Variants in IFFO2 observed in about 807,000 individuals in gnomAD.
The protein encoded by IFFO2 is intermediate filament family orphan 2.
A neutral mutation model predicts 53.5 loss-of-function variants in IFFO2; 19 were observed. The ratio of observed to expected loss-of-function variants is 0.36; its 90% CI spans 0.25 to 0.52. The LOEUF (loss-of-function observed/expected upper bound fraction) is 0.52. Among genes scored for constraint, IFFO2 ranks in the 20% least tolerant of loss-of-function variants. The probability of loss-of-function intolerance (pLI) is 0.94; values close to 1 mark genes in which losing one functional copy is unlikely to be tolerated. For synonymous variants in IFFO2, 303 were observed against 313.6 expected (o/e 0.97, Z 0.36); for missense variants, 570 against 727.4 (o/e 0.78, Z 2.49).
At chr1:18,920,490 GA>G (rs1270562190) in intron 2 of IFFO2, among the ~76,000 whole-genome samples, 3 of 152,234 alleles carry the variant, frequency 2.0e-5, no homozygotes, top group Non-Finnish European at 4.4e-5. Context: ...TGTCAGAGAG[GA>G]AAATAGAGGC....
intron 1 of IFFO2, among the ~76,000 whole-genome samples, chr1:18,923,423 T>C (rs1244244953): frequency 6.6e-6 from 1 of 152,080 alleles, no homozygotes; most frequent in Non-Finnish European, 1.5e-5. Context: ...CCACCCAAGG[T>C]GACAGCAGGA....
At chr1:18,914,899 A>G (rs1378138451) in intron 5 of IFFO2, among the ~76,000 whole-genome samples, 1 of 151,954 alleles carries the variant, frequency 6.6e-6, no homozygotes, top group Non-Finnish European at 1.5e-5. Context: ...CAAAAGAGGA[A>G]TCAAGAATCT....
chr1:18,914,853 A>C (rs1263640535), intron 5 of IFFO2, among the ~76,000 whole-genome samples: 1 of 150,244 alleles, frequency 6.7e-6, no homozygotes, highest in African/African-American at 2.4e-5. Flanking sequence ...CCCTCTTGGC[A>C]GGCAGCAAAA....
Position 18,940,472 on chromosome 1 carries a change from TTCATGCAGCA to T in IFFO2, c.665+15186_665+15195del, listed in dbSNP as rs557586367. ...CTCCCCAGATTCTGCAAGCTCCCAG[TTCATGCAGCA>T]TCATCCCCAAAGCCCAAGCATAGGG... On this transcript the variant is annotated intron_variant, in intron 1 of 8. Coordinates refer to ENST00000455833, the MANE Select transcript of IFFO2 (RefSeq NM_001136265.2). Among the ~76,000 whole-genome samples the T allele has an allele frequency of 1.4e-3, 219 of 152,270 alleles. 1 individual carries two copies. Among genetic ancestry groups the T allele is most frequent in the South Asian group, 0.012 (57 of 4,828 alleles).
In IFFO2 at chr1:18,956,034, G is replaced by T; in HGVS notation, c.299C>A (p.Thr100Asn). The change falls in exon 1 of 9, where the codon ACC (threonine) becomes AAC (asparagine). Residue 100 changes from threonine (T) to asparagine (N), a missense_variant. Physicochemically the swap from Thr to Asn is moderately conservative, Grantham distance 65. Transcript: ENST00000455833. This position sits in a 1 kb window ranked among gnomAD's most constrained non-coding sequence, Gnocchi z 6.4. The stretch of plus-strand genomic sequence containing the variant: ...CTGCACGGCCTGCTCGCGGGAGAAG[G>T]TCTTGTAGCGCAGCCGCCGCTCGCG... ...SERERRLRYK[T>N]FSREQAVQTG... 8.9e-6 allele frequency: 13 copies of T among 1,461,354 alleles called. No homozygotes were observed. Among genetic ancestry groups the T allele is most frequent in the Non-Finnish European group, 1.2e-5 (13 of 1,092,132 alleles). 90.5% of individuals were successfully genotyped at this position (1,461,354 alleles called of 1,614,324 possible). A position where few individuals can be genotyped will look rare whatever the true frequency, so the allele number is the denominator to read the frequency against.
chr1:18,923,107 G>A (rs1026751125), intron 1 of IFFO2, among the ~76,000 whole-genome samples: 4 of 152,200 alleles, frequency 2.6e-5, no homozygotes, highest in Admixed American at 6.5e-5. Context: ...GGCGAGCCCC[G>A]GCAAGCCTCT....
rs1936173935 is a variant in IFFO2, at chr1:18,918,879, A to G, written c.823-377T>C. On this transcript the variant is annotated intron_variant, in intron 3 of 8. Coordinates refer to ENST00000455833, the MANE Select transcript of IFFO2 (RefSeq NM_001136265.2). This position sits in a 1 kb window ranked among gnomAD's most constrained non-coding sequence, Gnocchi z 5.2. ...CACCCCACCTGTCCCCCACACAGGC[A>G]GCTCTCTCTCCTGGATGCCTCCCAA... Among the ~76,000 whole-genome samples, 3 of 152,058 alleles carry G rather than the reference A, an allele frequency of 2.0e-5. No individual in the cohort carries two copies. The highest frequency in any genetic ancestry group is 4.4e-5 in the Non-Finnish European group (3 of 67,988).
Position 18,955,869 on chromosome 1 carries a change from C to T in IFFO2, c.464G>A (p.Gly155Asp). 15 of 1,420,864 alleles carry T rather than the reference C, an allele frequency of 1.1e-5. No individual in the cohort carries two copies. Among genetic ancestry groups the T allele is most frequent in the Non-Finnish European group, 1.3e-5 (14 of 1,096,536 alleles). The allele number at this position is 1,420,864 out of a possible 1,614,324, so 88.0% of individuals were successfully genotyped here. The change falls in exon 1 of 9, where the codon GGC becomes GAC. Residue 155 changes from glycine to aspartate, a missense_variant. Gly to Asp is a moderately conservative substitution (Grantham distance 94, BLOSUM62 -1). Coordinates refer to ENST00000455833, the MANE Select transcript of IFFO2 (RefSeq NM_001136265.2). ...PGGGSHPQHY[G>D]RLPGTIWSYT... is the part of the protein sequence containing the mutation. ...GCTCCAGATGGTCCCGGGCAGGCGG[C>T]CGTAGTGCTGCGGGTGCGAGCCGCC...
chr1:18,925,996 A>ATTGGT (rs1557643244), intron 1 of IFFO2, among the ~76,000 whole-genome samples: 2 of 84,684 alleles, frequency 2.4e-5, no homozygotes, highest in African/African-American at 1.1e-4. Context: ...GGATGGATGG[A>ATTGGT]TGGATTGGTT....
intron 1 of IFFO2, among the ~76,000 whole-genome samples, chr1:18,948,840 C>T (rs1397522562): frequency 1.3e-5 from 2 of 152,238 alleles, no homozygotes; most frequent in African/African-American, 4.8e-5. Flanking sequence ...CACTCTCTGC[C>T]CTGTGAAATC....
In IFFO2 at chr1:18,910,449, A is replaced by C; in HGVS notation, c.1341T>G (p.Ser447Arg). The C allele has an allele frequency of 6.2e-7, 1 of 1,613,556 alleles. No homozygotes were observed. The highest frequency in any genetic ancestry group is 8.5e-7 in the Non-Finnish European group (1 of 1,179,786). ...ACTCGTGCAGGTGTCGGTTCATGTC[A>C]CTTTTGGCTGTGGCCAGCTCGAGCT... ...QIELELATAK[S>R]DMNRHLHEYM... is the part of the protein sequence containing the mutation. Residue 447 changes from serine (S) to arginine (R), a missense_variant, in exon 8 of 9, where the codon AGT becomes AGG. Transcript: ENST00000455833.
chr1:18,927,659 T>TG (rs915192568), intron 1 of IFFO2, among the ~76,000 whole-genome samples: 1 of 152,272 alleles, frequency 6.6e-6, no homozygotes, highest in African/African-American at 2.4e-5. Context: ...GGGCCAAGCC[T>TG]GGGGGCCCCA....
chr1:18,927,733 A>T (rs895285525), intron 1 of IFFO2, among the ~76,000 whole-genome samples: 1 of 152,260 alleles, frequency 6.6e-6, no homozygotes, highest in African/African-American at 2.4e-5. Flanking sequence ...ACAGTGGTAG[A>T]CCAGGGGAGC....
chr1:18,912,035 T>C lies in IFFO2; in HGVS notation c.1152A>G (p.Glu384=), dbSNP rs17492693. The change falls in exon 6 of 9, where the codon GAA becomes GAG. Residue 384 remains glutamate, a synonymous_variant. Transcript: ENST00000455833. The part of the protein sequence containing the change: ...FDDDCDSLTW[E]ENEDTLLLWE... ...AGAGCAGCAGCGTGTCTTCATTCTCTTCCCACGTCAGGCTGTCACAGTCGT... is the reference window on the plus strand; with the variant it reads ...AGAGCAGCAGCGTGTCTTCATTCTCCTCCCACGTCAGGCTGTCACAGTCGT... 0.029 allele frequency: 44,518 copies of C among 1,551,696 alleles called. 750 individuals are homozygous for C. Among genetic ancestry groups the C allele is most frequent in the Middle Eastern group, 0.062 (372 of 5,992 alleles).
chr1:18,956,132 G>A lies in IFFO2; in HGVS notation c.201C>T (p.Phe67=), dbSNP rs770380938. Residue 67 remains phenylalanine, a synonymous_variant, in exon 1 of 9, where the codon TTC becomes TTT. Coordinates refer to ENST00000455833, the MANE Select transcript of IFFO2 (RefSeq NM_001136265.2). The surrounding 1 kb of genome is among the most constrained non-coding windows in gnomAD (Gnocchi z 6.4). ...GCTCCAGCTCGTGCACCTTAGCCAGGAAGCAGCGGAAGCGCACGTTGAGCC... is the reference window on the plus strand; with the variant it reads ...GCTCCAGCTCGTGCACCTTAGCCAGAAAGCAGCGGAAGCGCACGTTGAGCC... ...LKGLNVRFRC[F]LAKVHELERR... is the part of the protein sequence containing the mutation. The A allele has an allele frequency of 8.6e-6, 13 of 1,506,358 alleles. No homozygotes were observed. The South Asian group carries it at 1.6e-4, about 18-fold the overall frequency. 93.3% of individuals were successfully genotyped at this position (1,506,358 alleles called of 1,614,324 possible). A position where few individuals can be genotyped will look rare whatever the true frequency, so the allele number is the denominator to read the frequency against.
At chr1:18,946,409 C>CTTTTTTTTTTT (rs71577809) in intron 1 of IFFO2, among the ~76,000 whole-genome samples, 2 of 96,542 alleles carry the variant, frequency 2.1e-5, no homozygotes, top group African/African-American at 4.0e-5. Flanking sequence ...TTGCCACTTT[C>CTTTTTTTTTTT]TTTTTTTTTT....
intron 1 of IFFO2, among the ~76,000 whole-genome samples, chr1:18,953,773 A>G (rs1209595217): frequency 6.6e-6 from 1 of 152,222 alleles, no homozygotes; most frequent in Admixed American, 6.5e-5. Flanking sequence ...CAGCGCCAGA[A>G]GCTGACATCA....
intron 1 of IFFO2, among the ~76,000 whole-genome samples, chr1:18,930,960 C>T (rs994193712): frequency 6.6e-6 from 1 of 152,042 alleles, no homozygotes; most frequent in African/African-American, 2.4e-5. Flanking sequence ...CATTTGAAGC[C>T]AAGAGTTCAA....
intron 7 of IFFO2, 50 bp from the exon 8 acceptor site, chr1:18,910,522 C>T: frequency 6.4e-7 from 1 of 1,566,636 alleles, no homozygotes; most frequent in Non-Finnish European, 8.7e-7. Flanking sequence ...ATCCTCGTGA[C>T]AGAAGCCTCG....
Sources: gnomAD v4.1 joint callset for allele counts (sites outside exome capture counted in the v4.1 genomes callset) on GRCh38, gnomAD v4.1.1 for gene constraint, Gnocchi (gnomAD v3.1) non-coding constraint, MANE v1.5 for transcripts, NCBI Gene and HGNC (gene_info 2026-07-23, HGNC 2026-07-21) for gene names.